Variants in KDM2A observed in about 807,000 individuals in gnomAD.
KDM2A encodes the protein lysine demethylase 2A.
In KDM2A, 3 loss-of-function variants were observed where a neutral mutation model predicts 137.3. The ratio of observed to expected loss-of-function variants is 0.02; its 90% CI spans 0.01 to 0.06. The LOEUF (loss-of-function observed/expected upper bound fraction) is 0.06. KDM2A is among the 10% of genes least tolerant of loss of function. The pLI, the probability that KDM2A is intolerant of heterozygous loss-of-function variation, is 1.00. For synonymous variants in KDM2A, 512 were observed against 541.5 expected (o/e 0.95, Z 0.76); for missense variants, 738 against 1,510.6 (o/e 0.49, Z 8.48).
chr11:67,218,690 C>T lies in KDM2A; in HGVS notation c.842-598C>T, dbSNP rs1007384408. ...CGTGATCTTGGCTCACTGCAACCTC[C>T]ACCTCCCAGGTCCCAGTTCAAGCAA... On this transcript the variant is annotated intron_variant, in intron 9 of 20. Transcript: ENST00000529006. Among the ~76,000 whole-genome samples, 7 of 152,088 alleles carry T rather than the reference C, an allele frequency of 4.6e-5. 1 individual carries two copies. The highest frequency in any genetic ancestry group is 4.6e-4 in the Admixed American group (7 of 15,264).
At position 67,257,589 on chromosome 11, in the gene KDM2A, TTATATA is replaced by T. The variant is rs571112098; in HGVS notation, c.*2541_*2546del. 6.6e-6 allele frequency: 1 copy of T among 152,088 alleles called. No individual in the cohort carries two copies. The highest frequency in any genetic ancestry group is 6.6e-5 in the Admixed American group (1 of 15,246). The allele number at this position is 152,088 out of a possible 1,614,324, so 9.4% of individuals were successfully genotyped here. On this transcript the variant is annotated 3_prime_UTR_variant, in exon 21 of 21. Transcript: ENST00000529006. ...AAACCACAAAGGAAAGGAAGAAAAT[TTATATA>T]TATATAATATAAAATCACTTGGTGA...
intron 5 of KDM2A, among the ~76,000 whole-genome samples, chr11:67,192,741 G>T (rs1857387939): frequency 6.6e-6 from 1 of 151,722 alleles, no homozygotes; most frequent in Non-Finnish European, 1.5e-5. Flanking sequence ...CACCGTGCCT[G>T]GCCTCCATTT....
chr11:67,128,063 G>A (rs953029397), intron 2 of KDM2A, among the ~76,000 whole-genome samples: 43 of 144,814 alleles, frequency 3.0e-4, no homozygotes, highest in Admixed American at 2.0e-3. Flanking sequence ...TGCCCAGGCC[G>A]GAGTGCAATG....
At chr11:67,157,067 A>C (rs1018847673) in intron 2 of KDM2A, among the ~76,000 whole-genome samples, 2 of 152,146 alleles carry the variant, frequency 1.3e-5, no homozygotes, top group Non-Finnish European at 2.9e-5. Context: ...TAATCCCAGC[A>C]CTTTGGGAGG....
intron 2 of KDM2A, among the ~76,000 whole-genome samples, chr11:67,134,069 C>T (rs1452554439): frequency 6.6e-6 from 1 of 152,168 alleles, no homozygotes; most frequent in Non-Finnish European, 1.5e-5. Context: ...ATTTTGAAGG[C>T]AAAGACAAAT....
At chr11:67,194,997 A>G (rs903014310) in intron 5 of KDM2A, among the ~76,000 whole-genome samples, 1 of 152,190 alleles carries the variant, frequency 6.6e-6, no homozygotes, top group Non-Finnish European at 1.5e-5. Context: ...CAGCCTATTC[A>G]TCTGATCTTG....
At chr11:67,202,207 T>G (rs1590778962) in intron 5 of KDM2A, among the ~76,000 whole-genome samples, 1 of 152,190 alleles carries the variant, frequency 6.6e-6, no homozygotes, top group African/African-American at 2.4e-5. Flanking sequence ...AAGAGTTGCT[T>G]CTTATGGATG....
intron 2 of KDM2A, among the ~76,000 whole-genome samples, chr11:67,170,283 A>ATAAACAATAATATAGCTAGAAATG: frequency 6.6e-6 from 1 of 152,126 alleles, no homozygotes; most frequent in East Asian, 1.9e-4. Context: ...GGAATATTAG[A>ATAAACAATAATATAGCTAGAAATG]TAAACAATAA....
intron 2 of KDM2A, among the ~76,000 whole-genome samples, chr11:67,131,012 A>G (rs753718796): frequency 2.6e-5 from 4 of 152,004 alleles, no homozygotes; most frequent in Non-Finnish European, 5.9e-5. Flanking sequence ...ATACCATCCA[A>G]CGTCTCTTGT....
intron 2 of KDM2A, among the ~76,000 whole-genome samples, chr11:67,174,074 A>G (rs1246175479): frequency 6.6e-6 from 1 of 152,160 alleles, no homozygotes; most frequent in Non-Finnish European, 1.5e-5. Flanking sequence ...CCTGGTCAGC[A>G]TGTCGAAACC....
rs2136398759 is a variant in KDM2A, at chr11:67,217,767, G to C, written c.724G>C (p.Glu242Gln). The change falls in exon 9 of 21, where the codon GAG becomes CAG. Residue 242 changes from glutamate to glutamine, a missense_variant. Glu to Gln is a conservative substitution (Grantham distance 29). Coordinates refer to ENST00000529006, the MANE Select transcript of KDM2A (RefSeq NM_012308.3). ...WLIPPTAHNL[E>Q]LYENWLLSGK... ...CATCCCCCCTACAGCCCACAACCTGGAGCTGTACGAGAATTGGCTGCTGTC... is the reference window on the plus strand; with the variant it reads ...CATCCCCCCTACAGCCCACAACCTGCAGCTGTACGAGAATTGGCTGCTGTC... 6.2e-7 allele frequency: 1 copy of C among 1,613,614 alleles called. No homozygotes were observed. Among genetic ancestry groups the C allele is most frequent in the Admixed American group, 1.7e-5 (1 of 59,946 alleles).
At chr11:67,121,399 G>A in intron 2 of KDM2A, 41 bp downstream of exon 2, 1 of 1,579,694 alleles carries the variant, frequency 6.3e-7, no homozygotes, top group Non-Finnish European at 8.7e-7. Context: ...CAGTTTTAAA[G>A]TAGGATAACT....
chr11:67,251,273 T>G (rs1410524930), intron 17 of KDM2A, among the ~76,000 whole-genome samples: 1 of 152,198 alleles, frequency 6.6e-6, no homozygotes, highest in Non-Finnish European at 1.5e-5. Flanking sequence ...TCAAGATGAA[T>G]TTGAAGGTGC....
At chr11:67,127,811 G>A (rs1490165314) in intron 2 of KDM2A, among the ~76,000 whole-genome samples, 2 of 151,974 alleles carry the variant, frequency 1.3e-5, no homozygotes, top group African/African-American at 2.4e-5. Flanking sequence ...GGGTTCAAGC[G>A]ATTCTCCTGC....
intron 12 of KDM2A, among the ~76,000 whole-genome samples, chr11:67,238,265 A>AT (rs1858927924): frequency 2.6e-5 from 4 of 151,840 alleles, no homozygotes; most frequent in Non-Finnish European, 5.9e-5. Flanking sequence ...GCCCGATGTG[A>AT]TTTTTTTCCT....
chr11:67,181,535 T>G, intron 4 of KDM2A, 137 bp downstream of exon 4: 2 of 622,234 alleles, frequency 3.2e-6, no homozygotes, highest in Non-Finnish European at 2.8e-6. Context: ...AAGTATATGC[T>G]TTTCTTTTGA....
chr11:67,193,351 A>G (rs1857402610), intron 5 of KDM2A, among the ~76,000 whole-genome samples: 1 of 152,352 alleles, frequency 6.6e-6, no homozygotes, highest in East Asian at 1.9e-4. Context: ...TTTAATCTGC[A>G]TGTCCTGTAA....
Position 67,122,507 on chromosome 11 carries a change from A to G in KDM2A, c.42+1149A>G, listed in dbSNP as rs186351417. On this transcript the variant is annotated intron_variant, in intron 2 of 20. Transcript: ENST00000529006. ...ACGTCCAGCTAATTTTTGTATTTTT[A>G]GTAGAGAACAGGGTTTTACCATGTT... Among the ~76,000 whole-genome samples, 118 of 151,502 alleles carry G rather than the reference A, an allele frequency of 7.8e-4. 1 individual carries two copies. Among genetic ancestry groups the G allele is most frequent in the South Asian group, 6.3e-3 (30 of 4,794 alleles).
chr11:67,226,299 CAG>C (rs1858542357), intron 10 of KDM2A, among the ~76,000 whole-genome samples: 1 of 151,932 alleles, frequency 6.6e-6, no homozygotes, highest in African/African-American at 2.4e-5. Context: ...AGTTGTTGGC[CAG>C]AGATTCATTT....
Sources: gnomAD v4.1 joint callset for allele counts (sites outside exome capture counted in the v4.1 genomes callset) on GRCh38, gnomAD v4.1.1 for gene constraint, MANE v1.5 for transcripts, NCBI Gene and HGNC (gene_info 2026-07-23, HGNC 2026-07-21) for gene names.